The following SERINC5 variants were observed in gnomAD, a reference collection of about 807,000 sequenced individuals.
SERINC5 encodes serine incorporator 5.
A neutral mutation model predicts 63.1 loss-of-function variants in SERINC5; 41 were observed. The ratio of observed to expected loss-of-function variants is 0.65; its 90% CI spans 0.51 to 0.84. The LOEUF is 0.84. Ranked by LOEUF, SERINC5 falls within the 40% of genes least tolerant of loss-of-function variation. The pLI, the probability that SERINC5 is intolerant of heterozygous loss-of-function variation, is 0.00. For missense variants in SERINC5, 523 were observed against 573.0 expected, an observed-to-expected ratio of 0.91 and a Z score of 0.89; for synonymous variants, 222 against 215.2, an observed-to-expected ratio of 1.03 and a Z score of -0.28.
rs147023938 is a variant in SERINC5, at chr5:80,183,282, G to A, written c.196-5218C>T. 9.2e-5 allele frequency among the ~76,000 whole-genome samples: 14 copies of A among 152,254 alleles called. No individual in the cohort carries two copies. The East Asian group carries it at 1.7e-3, about 19-fold the overall frequency. ...TTTCTTCTTTTTTTATGGCATTGCC[G>A]TTTGGGGTGGAGGGAGGGTGGAGGG... is the stretch of plus-strand genomic sequence containing the variant. On this transcript the variant is annotated intron_variant, in intron 2 of 11. Coordinates refer to ENST00000507668, the MANE Select transcript of SERINC5 (RefSeq NM_001174072.3).
intron 7 of SERINC5, among the ~76,000 whole-genome samples, chr5:80,160,926 G>GTGTGTGTATATATATGTGTATATATATA: frequency 6.9e-6 from 1 of 145,274 alleles, no homozygotes. Context: ...ATATATGTGT[G>GTGTGTGTATATATATGTGTATATATATA]TGTGTGTGTA....
intron 1 of SERINC5, among the ~76,000 whole-genome samples, chr5:80,214,945 G>T (rs1369326877): frequency 6.6e-6 from 1 of 150,938 alleles, no homozygotes; most frequent in Non-Finnish European, 1.5e-5. Context: ...TTTTTACCCC[G>T]CAAGAAAAAA....
chr5:80,181,146 C>T (rs114941267), intron 2 of SERINC5, among the ~76,000 whole-genome samples: 1,715 of 152,284 alleles, frequency 0.011, 12 homozygotes, highest in Middle Eastern at 0.024. Context: ...AGCAGTGTCA[C>T]GTGACTGTCT....
chr5:80,247,727 T>C (rs1282783027), intron 1 of SERINC5, among the ~76,000 whole-genome samples: 1 of 152,196 alleles, frequency 6.6e-6, no homozygotes, highest in East Asian at 1.9e-4. Flanking sequence ...CAGTGAGCTA[T>C]ACAGAGTAGT....
chr5:80,132,623 C>G (rs959014302), intron 11 of SERINC5, among the ~76,000 whole-genome samples: 4 of 151,476 alleles, frequency 2.6e-5, no homozygotes, highest in South Asian at 2.1e-4. Flanking sequence ...TTCCACCATG[C>G]CTGGCTAATT....
In SERINC5 at chr5:80,177,366, C is replaced by T. The variant is rs1322683643; in HGVS notation, c.406G>A (p.Ala136Thr). 2 of 1,613,300 alleles carry T rather than the reference C, an allele frequency of 1.2e-6. No individual in the cohort carries two copies. The highest frequency in any genetic ancestry group is 1.7e-6 in the Non-Finnish European group (2 of 1,179,568). The part of the protein sequence containing the change: ...FWFFKLLLLG[A>T]MCSGAFFIPD... ...ATGAAGAAAGCTCCTGAGCACATGG[C>T]CCCCAACAGCAGAAGTTTAAAGAAC... Residue 136 changes from alanine to threonine, a missense_variant, in exon 4 of 12, where the codon GCC becomes ACC. Coordinates refer to ENST00000507668, the MANE Select transcript of SERINC5 (RefSeq NM_001174072.3).
intron 8 of SERINC5, among the ~76,000 whole-genome samples, chr5:80,154,351 G>A (rs1007767595): frequency 6.6e-6 from 1 of 152,090 alleles, no homozygotes; most frequent in Non-Finnish European, 1.5e-5. Context: ...GGCTAATTTT[G>A]TATTTTTAGT....
chr5:80,211,880 A>G (rs746293378), intron 1 of SERINC5, among the ~76,000 whole-genome samples: 22 of 152,334 alleles, frequency 1.4e-4, no homozygotes, highest in Non-Finnish European at 2.6e-4. Flanking sequence ...TCCTAAGCAA[A>G]TAAGTGCTTA....
chr5:80,119,207 T>C (rs569791815), intron 11 of SERINC5, among the ~76,000 whole-genome samples: 2 of 152,286 alleles, frequency 1.3e-5, no homozygotes, highest in South Asian at 2.1e-4. Context: ...TACTGGATAA[T>C]TGGTAGCTCT....
intron 11 of SERINC5, among the ~76,000 whole-genome samples, chr5:80,127,843 T>C (rs972223036): frequency 4.6e-5 from 7 of 152,164 alleles, no homozygotes; most frequent in African/African-American, 1.7e-4. Flanking sequence ...AATCTAATTT[T>C]AATTGATTTC....
intron 5 of SERINC5, among the ~76,000 whole-genome samples, chr5:80,172,667 G>T (rs1431601668): frequency 6.6e-6 from 1 of 151,178 alleles, no homozygotes; most frequent in Non-Finnish European, 1.5e-5. Context: ...AACATAAAAG[G>T]CATACAAAGG....
chr5:80,174,390 TAATAATAATAATAAAAG>T (rs1747881059), intron 5 of SERINC5, among the ~76,000 whole-genome samples: 1 of 141,550 alleles, frequency 7.1e-6, no homozygotes, highest in Non-Finnish European at 1.6e-5. Context: ...ATAATAATAA[TAATAATAATAATAAAAG>T]AAAAAGAAAA....
intron 1 of SERINC5, among the ~76,000 whole-genome samples, chr5:80,246,070 T>C (rs923768479): frequency 6.6e-6 from 1 of 151,068 alleles, no homozygotes; most frequent in Non-Finnish European, 1.5e-5. Context: ...AAATTACCAC[T>C]ATAGAATCCT....
chr5:80,186,239 T>C (rs897645431), intron 2 of SERINC5, among the ~76,000 whole-genome samples: 1 of 150,636 alleles, frequency 6.6e-6, no homozygotes, highest in Non-Finnish European at 1.5e-5. Context: ...CAGGTTCAAG[T>C]GATTCTCCTG....
At chr5:80,153,467 A>G (rs1746316185) in intron 8 of SERINC5, among the ~76,000 whole-genome samples, 1 of 146,768 alleles carries the variant, frequency 6.8e-6, no homozygotes, top group South Asian at 2.1e-4. Flanking sequence ...GGAATTATCA[A>G]GAAAAGGTTT....
chr5:80,143,508 G>T lies in SERINC5; in HGVS notation c.*155C>A. Reference sequence around the variant, plus strand: ...GGTAGTTTCTTTTTGAATTTCAAAAGTAAAAAGCTAATCAGGAGATTTTTT... The same window carrying T: ...GGTAGTTTCTTTTTGAATTTCAAAATTAAAAAGCTAATCAGGAGATTTTTT... On this transcript the variant is annotated 3_prime_UTR_variant, in exon 12 of 12. Coordinates refer to ENST00000507668, the MANE Select transcript of SERINC5 (RefSeq NM_001174072.3). 7.3e-7 allele frequency: 1 copy of T among 1,362,708 alleles called. No homozygotes were observed. Among genetic ancestry groups the T allele is most frequent in the Non-Finnish European group, 9.4e-7 (1 of 1,060,838 alleles). The allele number at this position is 1,362,708 out of a possible 1,614,324, so 84.4% of individuals were successfully genotyped here.
chr5:80,181,147 G>A (rs1031301954), intron 2 of SERINC5, among the ~76,000 whole-genome samples: 1 of 152,174 alleles, frequency 6.6e-6, no homozygotes, highest in Admixed American at 6.5e-5. Flanking sequence ...GCAGTGTCAC[G>A]TGACTGTCTC....
intron 1 of SERINC5, among the ~76,000 whole-genome samples, chr5:80,204,354 G>A (rs1469237334): frequency 6.6e-6 from 1 of 152,194 alleles, no homozygotes; most frequent in East Asian, 1.9e-4. Context: ...CGAACTCTAG[G>A]TAGTTAGTGT....
chr5:80,186,194 T>C, intron 2 of SERINC5, among the ~76,000 whole-genome samples: 1 of 143,124 alleles, frequency 7.0e-6, no homozygotes, highest in Middle Eastern at 3.8e-3. Context: ...TGGAGTACAG[T>C]GGTGCGATTT....
Sources: allele counts gnomAD v4.1 joint callset (sites outside exome capture counted in the v4.1 genomes callset), GRCh38; gene constraint gnomAD v4.1.1; transcripts MANE v1.5; gene names NCBI Gene and HGNC (gene_info 2026-07-23, HGNC 2026-07-21).